EPB41L4B: variants seen among roughly 807,000 people sequenced by gnomAD.
EPB41L4B encodes the protein erythrocyte membrane protein band 4.1 like 4B.
Under a neutral mutation model 112.5 loss-of-function variants are expected in EPB41L4B, and 30 were observed. The observed-to-expected ratio is 0.27, with a 90% confidence interval of 0.20 to 0.36. The LOEUF (loss-of-function observed/expected upper bound fraction) is 0.36, where lower values mean the gene tolerates loss of function less well. EPB41L4B is among the 10% of genes least tolerant of loss of function. The pLI is 1.00. For synonymous variants in EPB41L4B, 408 were observed against 439.7 expected (o/e 0.93, Z 0.90); for missense variants, 1,024 against 1,133.3 (o/e 0.90, Z 1.38).
intron 15 of EPB41L4B, chr9:109,240,225 T>C (rs1834305185): frequency 1.0e-6 from 1 of 985,252 alleles, no homozygotes; most frequent in South Asian, 4.7e-5. Flanking sequence ...GATGAAAAGA[T>C]TCAGAACACA....
At chr9:109,262,437 C>A (rs1835238825) in intron 6 of EPB41L4B, among the ~76,000 whole-genome samples, 1 of 130,954 alleles carries the variant, frequency 7.6e-6, no homozygotes, top group Non-Finnish European at 1.6e-5. Context: ...AATGCTATTT[C>A]TTGGTGTGTG....
At chr9:109,276,820 C>T (rs1244535707) in intron 2 of EPB41L4B, among the ~76,000 whole-genome samples, 1 of 152,194 alleles carries the variant, frequency 6.6e-6, no homozygotes, top group Non-Finnish European at 1.5e-5. Flanking sequence ...GGACATGCTG[C>T]CAAGGTAACA....
intron 17 of EPB41L4B, among the ~76,000 whole-genome samples, chr9:109,209,962 G>A (rs1833106951): frequency 2.0e-5 from 3 of 152,170 alleles, no homozygotes; most frequent in East Asian, 1.9e-4. Flanking sequence ...CAATCGTACT[G>A]CTTCCCCTTC....
intron 23 of EPB41L4B, among the ~76,000 whole-genome samples, chr9:109,184,375 A>T (rs543958798): frequency 1.3e-5 from 2 of 152,240 alleles, no homozygotes; most frequent in Admixed American, 6.5e-5. Context: ...ACGTGCCACG[A>T]TGCCCAGCTA....
chr9:109,281,702 AAATAAATAAATAAATAAATAAATT>A (rs1317421630), intron 1 of EPB41L4B, among the ~76,000 whole-genome samples: 2 of 114,854 alleles, frequency 1.7e-5, no homozygotes, highest in Admixed American at 9.5e-5. Flanking sequence ...ATAAATAAAT[AAATAAATAAATAAATAAATAAATT>A]AATTAATTAA....
At chr9:109,237,549 A>T (rs539055794) in intron 15 of EPB41L4B, among the ~76,000 whole-genome samples, 4 of 152,330 alleles carry the variant, frequency 2.6e-5, no homozygotes, top group Admixed American at 2.6e-4. Flanking sequence ...GTCTCAAATA[A>T]GCAGTGGTTC....
At chr9:109,195,211 G>C (rs961013493) in intron 20 of EPB41L4B, among the ~76,000 whole-genome samples, 9 of 152,148 alleles carry the variant, frequency 5.9e-5, no homozygotes, top group African/African-American at 1.9e-4. Context: ...CCTTGCATAG[G>C]GGTTGTGATT....
chr9:109,242,463 G>A (rs1431958325), intron 15 of EPB41L4B, among the ~76,000 whole-genome samples: 2 of 152,224 alleles, frequency 1.3e-5, no homozygotes, highest in East Asian at 3.8e-4. Flanking sequence ...TAAAAACAAT[G>A]TTAATTAAAA....
chr9:109,307,015 GTTTT>G (rs534923556), intron 1 of EPB41L4B, among the ~76,000 whole-genome samples: 1 of 124,516 alleles, frequency 8.0e-6, no homozygotes, highest in African/African-American at 3.0e-5. Flanking sequence ...TGCTGCAGTT[GTTTT>G]TTTTTTTTTT....
intron 1 of EPB41L4B, among the ~76,000 whole-genome samples, chr9:109,295,450 C>T (rs1836700177): frequency 6.6e-6 from 1 of 152,202 alleles, no homozygotes; most frequent in Admixed American, 6.5e-5. Context: ...CCTCAGTGGA[C>T]ATACTTGGAT....
At chr9:109,311,581 A>G (rs892775095) in intron 1 of EPB41L4B, among the ~76,000 whole-genome samples, 5 of 152,266 alleles carry the variant, frequency 3.3e-5, no homozygotes, top group African/African-American at 9.6e-5. Context: ...TCAGCCAGCT[A>G]TGACTTTGGG....
Position 109,258,297 on chromosome 9 carries a change from G to A in EPB41L4B, c.632C>T (p.Ala211Val), listed in dbSNP as rs559366326. The A allele has an allele frequency of 1.9e-5, 30 of 1,610,254 alleles. No individual in the cohort carries two copies. The highest frequency in any genetic ancestry group is 1.7e-4 in the South Asian group (15 of 90,462). Residue 211 changes from alanine (A) to valine (V), a missense_variant and splice_region_variant, in exon 7 of 26, where the codon GCG becomes GTG. Transcript: ENST00000374566. ...TGGAAGCTCGCACTCCCCAAGCTCCGCTGTAAGTTTCATAAAAGGGAGGAA... is the reference window on the plus strand; with the variant it reads ...TGGAAGCTCGCACTCCCCAAGCTCCACTGTAAGTTTCATAAAAGGGAGGAA... ...AVELAALCLQ[A>V]ELGECELPEH...
At chr9:109,272,849 T>C (rs1010193187) in intron 2 of EPB41L4B, among the ~76,000 whole-genome samples, 10 of 152,196 alleles carry the variant, frequency 6.6e-5, no homozygotes, top group Non-Finnish European at 1.2e-4. Flanking sequence ...AGGAAGGGGA[T>C]GAATGCCTTT....
chr9:109,228,291 T>C (rs989487409), intron 15 of EPB41L4B, among the ~76,000 whole-genome samples: 12 of 152,194 alleles, frequency 7.9e-5, no homozygotes, highest in African/African-American at 2.9e-4. Context: ...ACTGCTTCCT[T>C]TACTAAGTGC....
intron 15 of EPB41L4B, chr9:109,240,325 G>C (rs888444768): frequency 8.1e-6 from 8 of 985,274 alleles, no homozygotes; most frequent in Admixed American, 6.2e-5. Flanking sequence ...AGAGTTTATA[G>C]GTAGTCAGCT....
chr9:109,235,317 C>G (rs1243049782), intron 15 of EPB41L4B, among the ~76,000 whole-genome samples: 2 of 151,780 alleles, frequency 1.3e-5, no homozygotes, highest in Admixed American at 1.3e-4. Context: ...ACCAAACACC[C>G]CTTTCCCTTT....
At chr9:109,303,569 T>C (rs1837062883) in intron 1 of EPB41L4B, among the ~76,000 whole-genome samples, 1 of 152,096 alleles carries the variant, frequency 6.6e-6, no homozygotes, top group African/African-American at 2.4e-5. Context: ...CCCAGGCTGG[T>C]CTCAAACTCC....
At chr9:109,303,642 C>T (rs1471105942) in intron 1 of EPB41L4B, among the ~76,000 whole-genome samples, 1 of 152,108 alleles carries the variant, frequency 6.6e-6, no homozygotes, top group African/African-American at 2.4e-5. Flanking sequence ...TGTGAGCCAC[C>T]ATGCCTGGCT....
intron 22 of EPB41L4B, among the ~76,000 whole-genome samples, chr9:109,187,147 C>T (rs1162014724): frequency 6.6e-6 from 1 of 152,134 alleles, no homozygotes; most frequent in Non-Finnish European, 1.5e-5. Flanking sequence ...CAAATATACA[C>T]GTCTTTTATC....
Sources: allele counts gnomAD v4.1 joint callset (sites outside exome capture counted in the v4.1 genomes callset), GRCh38; gene constraint gnomAD v4.1.1; transcripts MANE v1.5; gene names NCBI Gene and HGNC (gene_info 2026-07-23, HGNC 2026-07-21).